Variants in G6PC1 observed in about 807,000 individuals in gnomAD.
G6PC1 encodes the protein glucose-6-phosphatase catalytic subunit 1, also known as G-6-Pase.
Under a neutral mutation model 30.4 loss-of-function variants are expected in G6PC1, and 23 were observed. The observed-to-expected ratio is 0.76, with a 90% CI of 0.55 to 1.07. The LOEUF is 1.07. G6PC1 is among the 50% of genes least tolerant of loss of function. G6PC1 has a pLI of 0.00. For synonymous variants in G6PC1, 163 were observed against 175.6 expected (o/e 0.93, Z 0.57); for missense variants, 391 against 433.9 (o/e 0.90, Z 0.88).
chr17:42,901,196 C>A, intron 1 of G6PC1, 90 bp downstream of exon 1: 1 of 1,164,072 alleles, frequency 8.6e-7, no homozygotes, highest in Non-Finnish European at 1.3e-6. Flanking sequence ...TTTCCCCAGG[C>A]TATTCAGGAA....
chr17:42,914,160 C>A lies in G6PC1; in HGVS notation c.*2734C>A, dbSNP rs2056112747. ...ATGCTGCCCAGGCTGGTCTTGAACT[C>A]CTGGGTTCAAGTGATCCTCCTGCCT... On this transcript the variant is annotated 3_prime_UTR_variant, in exon 5 of 5. Coordinates refer to ENST00000253801, the MANE Select transcript of G6PC1 (RefSeq NM_000151.4). Among the ~76,000 whole-genome samples the A allele has an allele frequency of 6.6e-6, 1 of 151,610 alleles. No individual in the cohort carries two copies.
At position 42,900,856 on chromosome 17, in the gene G6PC1, T is replaced by G; in HGVS notation, c.-21T>G. 3.7e-6 allele frequency: 6 copies of G among 1,600,908 alleles called. No individual in the cohort carries two copies. The highest frequency in any genetic ancestry group is 5.1e-6 in the Non-Finnish European group (6 of 1,168,106). On this transcript the variant is annotated 5_prime_UTR_variant, in exon 1 of 5. Transcript: ENST00000253801. ...TGCAAGGGCTCTGCTGACATCTTCC[T>G]GAGGTGCCAAGGAAATGAGGATGGA...
chr17:42,904,260 C>T (rs1026518656), intron 2 of G6PC1: 64 of 529,524 alleles, frequency 1.2e-4, no homozygotes, highest in Admixed American at 3.9e-4. Context: ...CAGAGAGGCA[C>T]GGGCATCCAT....
At chr17:42,909,687 T>C (rs2056083818) in intron 4 of G6PC1, among the ~76,000 whole-genome samples, 1 of 152,174 alleles carries the variant, frequency 6.6e-6, no homozygotes, top group Non-Finnish European at 1.5e-5. Context: ...CTTTTTACAA[T>C]CTTTATTTCT....
intron 4 of G6PC1, among the ~76,000 whole-genome samples, chr17:42,910,457 G>C (rs1458015718): frequency 6.6e-6 from 1 of 152,166 alleles, no homozygotes; most frequent in African/African-American, 2.4e-5. Context: ...GAGAATAACT[G>C]TGTTCAAATG....
In G6PC1 at chr17:42,902,112, G is replaced by A. The variant is rs189044446; in HGVS notation, c.230+1006G>A. Among the ~76,000 whole-genome samples, 320 of 152,302 alleles carry A rather than the reference G, an allele frequency of 2.1e-3. 7 individuals carry two copies. In the South Asian group the frequency reaches 0.025, roughly 12 times the overall value. On this transcript the variant is annotated intron_variant, in intron 1 of 4. Coordinates refer to ENST00000253801, the MANE Select transcript of G6PC1 (RefSeq NM_000151.4). Reference sequence around the variant, plus strand: ...CCCAGGTAGGCAGGCTGGCTTCCGCGGCAATGCTCTTATGAACTATGTTAC... The same window carrying A: ...CCCAGGTAGGCAGGCTGGCTTCCGCAGCAATGCTCTTATGAACTATGTTAC...
Position 42,903,069 on chromosome 17 carries a change from T to G in G6PC1, c.231-862T>G, listed in dbSNP as rs372463302. On this transcript the variant is annotated intron_variant, in intron 1 of 4. Coordinates refer to ENST00000253801, the MANE Select transcript of G6PC1 (RefSeq NM_000151.4). ...AAAAAGTCACATAGCTGCCATTTTA[T>G]GGATTTCAGGATTTTTTTTTTTTTT... 2.7e-5 allele frequency among the ~76,000 whole-genome samples: 4 copies of G among 150,676 alleles called. No homozygotes were observed. In the East Asian group the frequency reaches 5.9e-4, roughly 22 times the overall value.
intron 2 of G6PC1, 49 bp downstream of exon 2, chr17:42,904,089 C>T (rs2056044271): frequency 2.4e-6 from 3 of 1,261,880 alleles, no homozygotes; most frequent in Non-Finnish European, 3.5e-6. Context: ...CCTCGTTTAC[C>T]TGTTATGGAT....
rs1263744036 is a variant in G6PC1, at chr17:42,909,427, T to C, written c.562+9T>C. 6.3e-7 allele frequency: 1 copy of C among 1,588,844 alleles called. No homozygotes were observed. The highest frequency in any genetic ancestry group is 8.6e-7 in the Non-Finnish European group (1 of 1,156,928). The stretch of plus-strand genomic sequence containing the variant: ...TGCTGGAGTCCTGTCAGGTATGGGC[T>C]GATCTGACTCCCTTCCTTCTCCCCC... On this transcript the variant is annotated intron_variant, in intron 4 of 4. Transcript: ENST00000253801.
rs530151924 is a variant in G6PC1, at chr17:42,904,919, C to T, written c.340+879C>T. On this transcript the variant is annotated intron_variant, in intron 2 of 4. Coordinates refer to ENST00000253801, the MANE Select transcript of G6PC1 (RefSeq NM_000151.4). ...CTGAGGTCAGGAGTTCAAAACCAGC[C>T]TGGCCAACATTGCAAAATCCTGTCT... Among the ~76,000 whole-genome samples, 4 of 152,252 alleles carry T rather than the reference C, an allele frequency of 2.6e-5. No individual in the cohort carries two copies. In the East Asian group the frequency reaches 5.8e-4, roughly 22 times the overall value.
In G6PC1 at chr17:42,900,885, A is replaced by G. The variant is rs2151929054; in HGVS notation, c.9A>G (p.Glu3=). The stretch of plus-strand genomic sequence containing the variant: ...GTGCCAAGGAAATGAGGATGGAGGA[A>G]GGAATGAATGTTCTCCATGACTTTG... The part of the protein sequence containing the change: ME[E]GMNVLHDFGI... The change falls in exon 1 of 5, where the codon GAA becomes GAG. Residue 3 remains glutamate, a synonymous_variant. Transcript: ENST00000253801. 1 of 1,613,778 alleles carries G rather than the reference A, an allele frequency of 6.2e-7. No individual in the cohort carries two copies. Among genetic ancestry groups the G allele is most frequent in the Non-Finnish European group, 8.5e-7 (1 of 1,179,640 alleles).
chr17:42,902,529 G>A (rs1487834202), intron 1 of G6PC1, among the ~76,000 whole-genome samples: 1 of 152,124 alleles, frequency 6.6e-6, no homozygotes, highest in Non-Finnish European at 1.5e-5. Flanking sequence ...GATTACAGGC[G>A]TGAGCCACTA....
At chr17:42,906,249 A>G (rs1350968555) in intron 2 of G6PC1, among the ~76,000 whole-genome samples, 1 of 151,886 alleles carries the variant, frequency 6.6e-6, no homozygotes, top group Non-Finnish European at 1.5e-5. Context: ...TACTCTGGGG[A>G]ACTATACTTG....
intron 1 of G6PC1, among the ~76,000 whole-genome samples, chr17:42,902,833 A>G (rs369618015): frequency 6.6e-6 from 1 of 152,180 alleles, no homozygotes; most frequent in Non-Finnish European, 1.5e-5. Context: ...CTGAAGCTAT[A>G]TACATCCTTA....
intron 1 of G6PC1, among the ~76,000 whole-genome samples, chr17:42,903,330 T>C (rs370151888): frequency 1.3e-5 from 2 of 151,892 alleles, no homozygotes; most frequent in African/African-American, 4.8e-5. Flanking sequence ...GTGATCTGCC[T>C]GCCTTGGCCT....
At position 42,913,851 on chromosome 17, in the gene G6PC1, A is replaced by T. The variant is rs374104069; in HGVS notation, c.*2425A>T. On this transcript the variant is annotated 3_prime_UTR_variant, in exon 5 of 5. Coordinates refer to ENST00000253801, the MANE Select transcript of G6PC1 (RefSeq NM_000151.4). ...GCACCAAGGAATGCTCAAGGGAGCT[A>T]TTGCAGGTTTCTCTGCTAAGAGATT... is the stretch of plus-strand genomic sequence containing the variant. Among the ~76,000 whole-genome samples, 1 of 152,174 alleles carries T rather than the reference A, an allele frequency of 6.6e-6. No homozygotes were observed. Among genetic ancestry groups the T allele is most frequent in the African/African-American group, 2.4e-5 (1 of 41,450 alleles).
In G6PC1 at chr17:42,900,838, G is replaced by C. The variant is rs756696261; in HGVS notation, c.-39G>C. 12 of 1,538,558 alleles carry C rather than the reference G, an allele frequency of 7.8e-6. No homozygotes were observed. The Admixed American group carries it at 1.7e-4, about 22-fold the overall frequency. On this transcript the variant is annotated 5_prime_UTR_variant, in exon 1 of 5. Transcript: ENST00000253801. ...CACCAAGCCTGGAATAACTGCAAGG[G>C]CTCTGCTGACATCTTCCTGAGGTGC... is the stretch of plus-strand genomic sequence containing the variant.
intron 2 of G6PC1, among the ~76,000 whole-genome samples, chr17:42,904,448 A>ATGGTTAC (rs1410468431): frequency 1.3e-5 from 2 of 152,138 alleles, no homozygotes; most frequent in Non-Finnish European, 2.9e-5. Flanking sequence ...TTACAGCCAG[A>ATGGTTAC]TGGTTACTGT....
chr17:42,903,575 G>A (rs1269803104), intron 1 of G6PC1, among the ~76,000 whole-genome samples: 2 of 151,806 alleles, frequency 1.3e-5, no homozygotes, highest in African/African-American at 4.8e-5. Context: ...CTAGCTGGAT[G>A]TGGTGGCACA....
Sources: gnomAD v4.1 joint callset for allele counts (sites outside exome capture counted in the v4.1 genomes callset) on GRCh38, gnomAD v4.1.1 for gene constraint, MANE v1.5 for transcripts, NCBI Gene and HGNC (gene_info 2026-07-23, HGNC 2026-07-21) for gene names.